RABGAP1L: variants seen among roughly 807,000 people sequenced by gnomAD.
RABGAP1L encodes the protein RAB GTPase activating protein 1 like, also known as rab GTPase-activating protein 1-like.
Under a neutral mutation model 137.7 loss-of-function variants are expected in RABGAP1L, and 63 were observed. The observed-to-expected ratio is 0.46, with a 90% CI of 0.37 to 0.56. The LOEUF (loss-of-function observed/expected upper bound fraction) is 0.56. Among genes scored for constraint, RABGAP1L ranks in the 20% least tolerant of loss-of-function variants. RABGAP1L has a pLI of 0.00. For missense variants in RABGAP1L, 1,095 were observed against 1,244.0 expected, an observed-to-expected ratio of 0.88 and a Z score of 1.80; for synonymous variants, 431 against 433.7, an observed-to-expected ratio of 0.99 and a Z score of 0.08.
In RABGAP1L at chr1:174,519,252, A is replaced by G. The variant is rs147162316; in HGVS notation, c.1711-118123A>G. ...CACACACATATATATATATTTATGT[A>G]TATGAGTTTATTAACTTACATGATC... On this transcript the variant is annotated intron_variant, in intron 13 of 25. Coordinates refer to ENST00000681986, the MANE Select transcript of RABGAP1L (RefSeq NM_001366446.1). 1.2e-3 allele frequency among the ~76,000 whole-genome samples: 179 copies of G among 152,138 alleles called. 1 individual carries two copies. The highest frequency in any genetic ancestry group is 4.2e-3 in the African/African-American group (175 of 41,496).
chr1:174,981,550 CTTTTTTTTTTTTTTTT>C (rs10556099), intron 23 of RABGAP1L, among the ~76,000 whole-genome samples: 1 of 66,406 alleles, frequency 1.5e-5, no homozygotes, highest in African/African-American at 6.7e-5. Flanking sequence ...GTTTTTCCAT[CTTTTTTTTTTTTTTTT>C]TTTTTTTTTT....
intron 13 of RABGAP1L, among the ~76,000 whole-genome samples, chr1:174,624,110 C>A (rs540476751): frequency 6.6e-6 from 1 of 152,324 alleles, no homozygotes; most frequent in East Asian, 1.9e-4. Flanking sequence ...TATGAATTCC[C>A]TTCTGCAGTC....
intron 13 of RABGAP1L, among the ~76,000 whole-genome samples, chr1:174,461,208 T>C (rs527409536): frequency 1.3e-5 from 2 of 152,294 alleles, no homozygotes; most frequent in South Asian, 2.1e-4. Context: ...TACTGGCCTT[T>C]CAAGGTAGGG....
chr1:174,686,322 C>T (rs1249062664), intron 15 of RABGAP1L, among the ~76,000 whole-genome samples: 1 of 152,146 alleles, frequency 6.6e-6, no homozygotes, highest in Non-Finnish European at 1.5e-5. Context: ...CCCTCTGTTA[C>T]ATTATTATCT....
chr1:174,240,481 C>G (rs1671713201), intron 4 of RABGAP1L, among the ~76,000 whole-genome samples: 2 of 152,208 alleles, frequency 1.3e-5, no homozygotes, highest in Non-Finnish European at 2.9e-5. Context: ...CTCCTGACCT[C>G]AAGTGATCCA....
intron 13 of RABGAP1L, among the ~76,000 whole-genome samples, chr1:174,455,831 A>G (rs770731596): frequency 2.0e-5 from 3 of 152,090 alleles, no homozygotes; most frequent in Non-Finnish European, 4.4e-5. Context: ...TCTATTCTAA[A>G]AGCTTCTGTG....
At chr1:174,861,256 G>A (rs1397704004) in intron 19 of RABGAP1L, among the ~76,000 whole-genome samples, 1 of 152,116 alleles carries the variant, frequency 6.6e-6, no homozygotes, top group East Asian at 1.9e-4. Flanking sequence ...ATGTTGTCAT[G>A]AAGGGCAAGA....
chr1:174,574,411 C>T (rs888261948), intron 13 of RABGAP1L, among the ~76,000 whole-genome samples: 2 of 151,992 alleles, frequency 1.3e-5, no homozygotes, highest in Non-Finnish European at 2.9e-5. Flanking sequence ...AGGCTCATAT[C>T]GATCTTGTTC....
chr1:174,964,801 CAGAG>C, intron 20 of RABGAP1L: 1 of 1,370,618 alleles, frequency 7.3e-7, no homozygotes, highest in South Asian at 1.6e-5. Flanking sequence ...TTTGCGGTCA[CAGAG>C]AGAACTTAGA....
At chr1:174,349,706 G>A (rs1215894038) in intron 11 of RABGAP1L, among the ~76,000 whole-genome samples, 16 of 129,292 alleles carry the variant, frequency 1.2e-4, no homozygotes, top group Non-Finnish European at 1.7e-4. Context: ...CCTCCCTCCC[G>A]GACAGGGCGG....
At chr1:174,903,451 C>T (rs1271868501) in intron 19 of RABGAP1L, among the ~76,000 whole-genome samples, 1 of 152,186 alleles carries the variant, frequency 6.6e-6, no homozygotes, top group African/African-American at 2.4e-5. Flanking sequence ...TCCACAAATT[C>T]TGCTGTTCTA....
chr1:174,616,064 G>T (rs544455801), intron 13 of RABGAP1L, among the ~76,000 whole-genome samples: 1 of 152,186 alleles, frequency 6.6e-6, no homozygotes, highest in Non-Finnish European at 1.5e-5. Flanking sequence ...GCTTTGGCTC[G>T]CACACAGTGC....
At chr1:174,550,857 AATATATATATATATAT>A (rs1216100934) in intron 13 of RABGAP1L, among the ~76,000 whole-genome samples, 21 of 61,838 alleles carry the variant, frequency 3.4e-4, no homozygotes, top group East Asian at 2.7e-3. Context: ...GTCTCTGCTA[AATATATATATATATAT>A]ATATATATAT....
chr1:174,344,636 T>C (rs958208046), intron 11 of RABGAP1L, among the ~76,000 whole-genome samples: 1 of 152,194 alleles, frequency 6.6e-6, no homozygotes, highest in Non-Finnish European at 1.5e-5. Flanking sequence ...TGAAATAGAA[T>C]CCCTATAATA....
intron 19 of RABGAP1L, among the ~76,000 whole-genome samples, chr1:174,835,577 CTG>C: frequency 6.6e-6 from 1 of 152,220 alleles, no homozygotes; most frequent in Admixed American, 6.5e-5. Context: ...GATTGGCTAA[CTG>C]TTCACCAAAT....
intron 18 of RABGAP1L, among the ~76,000 whole-genome samples, chr1:174,790,152 G>A (rs1687739558): frequency 6.6e-6 from 1 of 152,058 alleles, no homozygotes; most frequent in Non-Finnish European, 1.5e-5. Context: ...AGAGGTTGCA[G>A]TGAGCCGAGA....
intron 13 of RABGAP1L, among the ~76,000 whole-genome samples, chr1:174,542,594 T>G (rs1665570884): frequency 6.6e-6 from 1 of 152,206 alleles, no homozygotes; most frequent in Non-Finnish European, 1.5e-5. Flanking sequence ...TCTATCTCCT[T>G]CATTTCTGCT....
chr1:174,695,401 T>A (rs553167553), intron 15 of RABGAP1L, among the ~76,000 whole-genome samples: 13 of 152,258 alleles, frequency 8.5e-5, no homozygotes, highest in African/African-American at 3.1e-4. Flanking sequence ...GAGAGACTGA[T>A]ACATTTTTAA....
chr1:174,444,760 T>C (rs889512300), intron 13 of RABGAP1L, among the ~76,000 whole-genome samples: 3 of 152,164 alleles, frequency 2.0e-5, no homozygotes, highest in Admixed American at 6.5e-5. Context: ...AATGATCCTT[T>C]GTATTTCTGT....
Sources: gnomAD v4.1 joint callset for allele counts (sites outside exome capture counted in the v4.1 genomes callset) on GRCh38, gnomAD v4.1.1 for gene constraint, MANE v1.5 for transcripts, NCBI Gene and HGNC (gene_info 2026-07-23, HGNC 2026-07-21) for gene names.